NRG1: variants seen among roughly 807,000 people sequenced by gnomAD.
NRG1 encodes the protein neuregulin 1.
A neutral mutation model predicts 63.8 loss-of-function variants in NRG1; 18 were observed. That is an observed-to-expected ratio of 0.28 (90% CI 0.19 to 0.42). The LOEUF (loss-of-function observed/expected upper bound fraction) is 0.42. Among genes scored for constraint, NRG1 ranks in the 10% least tolerant of loss-of-function variants. The pLI is 1.00. For missense variants in NRG1, 762 were observed against 814.7 expected (o/e 0.94, Z 0.79); for synonymous variants, 302 against 301.3 (o/e 1.00, Z -0.02).
rs554626815 is a variant in NRG1, at chr8:32,427,596, A to G, written c.38-168232A>G. 3.2e-4 allele frequency among the ~76,000 whole-genome samples: 48 copies of G among 152,274 alleles called. No individual in the cohort carries two copies. In the Middle Eastern group the frequency reaches 0.01, roughly 32 times the overall value. On this transcript the variant is annotated intron_variant, in intron 1 of 10. Transcript: ENST00000519301. ...TACATGCGTGACTTGATTTTCTTGC[A>G]TGTGCGTTTTAGAGGTAACAACATA...
chr8:31,841,154 G>A (rs929359229), intron 1 of NRG1, among the ~76,000 whole-genome samples: 4 of 152,022 alleles, frequency 2.6e-5, no homozygotes, highest in African/African-American at 7.3e-5. Flanking sequence ...ACTGAGGGTT[G>A]GAGGTTTGAG....
chr8:32,203,188 CTTTTTTTT>C (rs11311144), intron 1 of NRG1, among the ~76,000 whole-genome samples: 9 of 61,462 alleles, frequency 1.5e-4, no homozygotes, highest in South Asian at 8.0e-4. Context: ...AGCAAGCCAG[CTTTTTTTT>C]TTTTTTTTTT....
chr8:32,458,338 A>C (rs1421756488), intron 1 of NRG1, among the ~76,000 whole-genome samples: 1 of 152,176 alleles, frequency 6.6e-6, no homozygotes, highest in Non-Finnish European at 1.5e-5. Context: ...AAAATAAATA[A>C]ATGAAAATAT....
intron 1 of NRG1, among the ~76,000 whole-genome samples, chr8:32,055,012 C>T (rs1306111921): frequency 1.3e-5 from 2 of 151,176 alleles, no homozygotes; most frequent in African/African-American, 2.4e-5. Context: ...CTCAACCTCC[C>T]GAGTTGCTGG....
At chr8:31,899,233 T>G (rs1019337735) in intron 1 of NRG1, among the ~76,000 whole-genome samples, 1 of 152,020 alleles carries the variant, frequency 6.6e-6, no homozygotes, top group African/African-American at 2.4e-5. Flanking sequence ...CCTCCCAAAG[T>G]GCTGGGACTA....
intron 1 of NRG1, among the ~76,000 whole-genome samples, chr8:31,990,170 A>G (rs139158197): frequency 6.6e-6 from 1 of 152,204 alleles, no homozygotes; most frequent in East Asian, 1.9e-4. Context: ...GGGAAAATGG[A>G]AACCTGGCTA....
chr8:32,609,269 A>G (rs963340234), intron 3 of NRG1, among the ~76,000 whole-genome samples: 8 of 152,126 alleles, frequency 5.3e-5, no homozygotes, highest in African/African-American at 1.4e-4. Context: ...TTCCACTGCT[A>G]TCTAAGAATT....
Position 31,640,774 on chromosome 8 carries a change from C to A in NRG1, c.37+1343C>A. ...GGGCGCGAACCCGCGGCGAGGAGGG[C>A]GCATCCCGGGCGCGCGGGCAGCGGG... On this transcript the variant is annotated intron_variant, in intron 1 of 10. Transcript: ENST00000519301. The surrounding 1 kb of genome is among the most constrained non-coding windows in gnomAD (Gnocchi z 6.3). The A allele has an allele frequency of 6.9e-7, 1 of 1,454,918 alleles. No individual in the cohort carries two copies. Among genetic ancestry groups the A allele is most frequent in the Non-Finnish European group, 9.1e-7 (1 of 1,102,692 alleles). 90.1% of individuals were successfully genotyped at this position (1,454,918 alleles called of 1,614,324 possible).
intron 5 of NRG1, among the ~76,000 whole-genome samples, chr8:32,727,189 A>G (rs1822421653): frequency 6.6e-6 from 1 of 152,204 alleles, no homozygotes; most frequent in South Asian, 2.1e-4. Context: ...TATTAAGTTC[A>G]TTATATGAAG....
intron 1 of NRG1, among the ~76,000 whole-genome samples, chr8:32,198,287 C>G (rs1354348842): frequency 2.0e-5 from 3 of 148,296 alleles, no homozygotes; most frequent in South Asian, 2.1e-4. Flanking sequence ...TAGCAATTCT[C>G]CTGCCTCAGC....
intron 1 of NRG1, among the ~76,000 whole-genome samples, chr8:32,423,304 G>A (rs1816928648): frequency 6.6e-6 from 1 of 152,178 alleles, no homozygotes; most frequent in East Asian, 1.9e-4. Flanking sequence ...CACACACAAG[G>A]CAGCATTTTC....
intron 1 of NRG1, among the ~76,000 whole-genome samples, chr8:31,876,335 T>C (rs946098548): frequency 6.6e-6 from 1 of 152,200 alleles, no homozygotes; most frequent in African/African-American, 2.4e-5. Context: ...TAACTGGTTA[T>C]TGCAAGCATT....
At chr8:32,566,432 A>G (rs1837473711) in intron 1 of NRG1, among the ~76,000 whole-genome samples, 1 of 150,686 alleles carries the variant, frequency 6.6e-6, no homozygotes, top group African/African-American at 2.4e-5. Flanking sequence ...GGGGTTCTTT[A>G]CTCCTTTTGG....
At chr8:31,708,682 T>C (rs868431999) in intron 1 of NRG1, among the ~76,000 whole-genome samples, 1 of 151,946 alleles carries the variant, frequency 6.6e-6, no homozygotes, top group African/African-American at 2.4e-5. Flanking sequence ...CCTGACCTCG[T>C]GATCCGCCCG....
chr8:32,276,814 G>C (rs1852155021), intron 1 of NRG1, among the ~76,000 whole-genome samples: 1 of 152,220 alleles, frequency 6.6e-6, no homozygotes, highest in African/African-American at 2.4e-5. Context: ...GGAGGAAATA[G>C]GAGACCTCCT....
intron 1 of NRG1, among the ~76,000 whole-genome samples, chr8:32,205,882 T>C (rs909809094): frequency 5.3e-5 from 8 of 150,472 alleles, no homozygotes; most frequent in Admixed American, 2.7e-4. Context: ...GGTAATCACT[T>C]GAGGCCAGAA....
At chr8:32,309,228 A>C (rs189134327) in intron 1 of NRG1, among the ~76,000 whole-genome samples, 2 of 152,216 alleles carry the variant, frequency 1.3e-5, no homozygotes, top group African/African-American at 2.4e-5. Flanking sequence ...AATAGCCCTT[A>C]ATTACCAGAG....
intron 7 of NRG1, among the ~76,000 whole-genome samples, chr8:32,748,468 T>C (rs1428578394): frequency 6.6e-6 from 1 of 151,986 alleles, no homozygotes; most frequent in Admixed American, 6.6e-5. Flanking sequence ...ATGAAAAGTG[T>C]CATCCCTGGA....
intron 1 of NRG1, among the ~76,000 whole-genome samples, chr8:32,579,314 T>C (rs79505727): frequency 6.6e-6 from 1 of 150,808 alleles, no homozygotes; most frequent in Non-Finnish European, 1.5e-5. Context: ...TGAAACACAA[T>C]GTACAAAAAC....
Sources: gnomAD v4.1 joint callset for allele counts (sites outside exome capture counted in the v4.1 genomes callset) on GRCh38, gnomAD v4.1.1 for gene constraint, Gnocchi (gnomAD v3.1) non-coding constraint, MANE v1.5 for transcripts, NCBI Gene and HGNC (gene_info 2026-07-23, HGNC 2026-07-21) for gene names.